The following HHAT variants were observed in gnomAD, a reference collection of about 807,000 sequenced individuals.
The protein encoded by HHAT is protein-cysteine N-palmitoyltransferase HHAT.
HHAT carries 47 observed loss-of-function variants against 70.8 expected under a neutral mutation model. The ratio of observed to expected loss-of-function variants is 0.66; its 90% CI spans 0.53 to 0.85. The LOEUF (loss-of-function observed/expected upper bound fraction) is 0.85, where lower values mean the gene tolerates loss of function less well. Among genes scored for constraint, HHAT ranks in the 40% least tolerant of loss-of-function variants. HHAT has a pLI of 0.00. For missense variants in HHAT, 609 were observed against 604.8 expected (o/e 1.01, Z -0.07); for synonymous variants, 228 against 247.6 (o/e 0.92, Z 0.74).
intron 9 of HHAT, among the ~76,000 whole-genome samples, chr1:210,574,297 G>A (rs1221402550): frequency 6.6e-6 from 1 of 152,240 alleles, no homozygotes; most frequent in Non-Finnish European, 1.5e-5. Context: ...GTGGCTGGGG[G>A]ATGGGATGGC....
intron 10 of HHAT, among the ~76,000 whole-genome samples, chr1:210,617,198 A>G (rs933626229): frequency 1.3e-5 from 2 of 152,256 alleles, no homozygotes; most frequent in African/African-American, 4.8e-5. Flanking sequence ...AGTCACAGAA[A>G]TATGGAAGCC....
chr1:210,611,953 T>G (rs1666669867), intron 10 of HHAT, among the ~76,000 whole-genome samples: 1 of 152,200 alleles, frequency 6.6e-6, no homozygotes, highest in South Asian at 2.1e-4. Context: ...TCAAGGATAT[T>G]GACCTGAAGT....
intron 11 of HHAT, among the ~76,000 whole-genome samples, chr1:210,652,647 G>T (rs1318848412): frequency 3.9e-5 from 6 of 152,212 alleles, no homozygotes. Flanking sequence ...GGCTGGTGCA[G>T]TATTAACTGC....
At chr1:210,371,502 C>T (rs1379211445) in intron 3 of HHAT, among the ~76,000 whole-genome samples, 3 of 152,200 alleles carry the variant, frequency 2.0e-5, no homozygotes, top group African/African-American at 7.2e-5. Flanking sequence ...AACCCACATT[C>T]TTTGGAGGGG....
Position 210,488,977 on chromosome 1 carries a change from C to T in HHAT, c.1008-24176C>T, listed in dbSNP as rs141780421. On this transcript the variant is annotated intron_variant, in intron 8 of 11. Transcript: ENST00000261458. ...GGAGGGAACTCATTCTCCGGTTTGGCTTAAGTGAGAAAGGAACTTTCCATA... is the reference window on the plus strand; with the variant it reads ...GGAGGGAACTCATTCTCCGGTTTGGTTTAAGTGAGAAAGGAACTTTCCATA... Among the ~76,000 whole-genome samples, 563 of 152,292 alleles carry T rather than the reference C, an allele frequency of 3.7e-3. 6 individuals are homozygous for T. The highest frequency in any genetic ancestry group is 0.013 in the African/African-American group (545 of 41,564).
At chr1:210,493,547 T>C (rs1048497336) in intron 8 of HHAT, among the ~76,000 whole-genome samples, 2 of 152,208 alleles carry the variant, frequency 1.3e-5, no homozygotes, top group African/African-American at 4.8e-5. Flanking sequence ...GCAACATTTA[T>C]ACTGGTGTTT....
chr1:210,350,981 C>T (rs890902764), intron 2 of HHAT, among the ~76,000 whole-genome samples: 1 of 152,082 alleles, frequency 6.6e-6, no homozygotes, highest in African/African-American at 2.4e-5. Flanking sequence ...AGTTAGGGTT[C>T]TCCAGGGAAA....
At chr1:210,366,743 C>G (rs1003084055) in intron 3 of HHAT, among the ~76,000 whole-genome samples, 7 of 152,222 alleles carry the variant, frequency 4.6e-5, no homozygotes, top group African/African-American at 7.2e-5. Context: ...TTTAAGGGCT[C>G]TTAAATGACC....
In HHAT at chr1:210,526,048, C is replaced by T. The variant is rs775336507; in HGVS notation, c.1043+12860C>T. 4.6e-5 allele frequency among the ~76,000 whole-genome samples: 7 copies of T among 152,248 alleles called. No homozygotes were observed. The South Asian group carries it at 8.3e-4, about 18-fold the overall frequency. On this transcript the variant is annotated intron_variant, in intron 9 of 11. Coordinates refer to ENST00000261458, the MANE Select transcript of HHAT (RefSeq NM_018194.6). ...CTTGCAGGAAGAGTCTCAGATCCCTCGTGCCTGAGATTAGATTCCAAAGAA... is the reference window on the plus strand; with the variant it reads ...CTTGCAGGAAGAGTCTCAGATCCCTTGTGCCTGAGATTAGATTCCAAAGAA...
intron 8 of HHAT, among the ~76,000 whole-genome samples, chr1:210,505,387 G>A (rs1374922190): frequency 6.6e-5 from 10 of 152,126 alleles, no homozygotes; most frequent in Non-Finnish European, 1.3e-4. Context: ...GGGACACTTT[G>A]AACAAAAAGC....
At chr1:210,441,394 A>G (rs564417025) in intron 7 of HHAT, among the ~76,000 whole-genome samples, 82 of 152,328 alleles carry the variant, frequency 5.4e-4, no homozygotes, top group African/African-American at 1.9e-3. Context: ...GCTGGTCTGA[A>G]TGTCAAGTGT....
At chr1:210,647,439 T>G (rs1448779037) in intron 11 of HHAT, among the ~76,000 whole-genome samples, 1 of 152,170 alleles carries the variant, frequency 6.6e-6, no homozygotes, top group Non-Finnish European at 1.5e-5. Flanking sequence ...GGGGACATTT[T>G]TCCTCCAGCC....
intron 10 of HHAT, among the ~76,000 whole-genome samples, chr1:210,593,949 A>T (rs1490031966): frequency 3.3e-5 from 5 of 152,032 alleles, no homozygotes; most frequent in African/African-American, 1.2e-4. Context: ...TATAGTTTTT[A>T]TCTTGAAATC....
intron 9 of HHAT, among the ~76,000 whole-genome samples, chr1:210,515,505 C>T (rs2095038470): frequency 6.6e-6 from 1 of 152,248 alleles, no homozygotes; most frequent in South Asian, 2.1e-4. Flanking sequence ...CGCCTGTAAT[C>T]CCAGCACTTT....
chr1:210,343,472 C>T (rs1205285243), intron 1 of HHAT, among the ~76,000 whole-genome samples: 1 of 152,154 alleles, frequency 6.6e-6, no homozygotes, highest in Non-Finnish European at 1.5e-5. Flanking sequence ...CAGTCAGCTA[C>T]AGGCAAGAGT....
chr1:210,360,846 C>CTTTTT (rs3036585), intron 2 of HHAT, among the ~76,000 whole-genome samples: 3,311 of 124,080 alleles, frequency 0.027, 179 homozygotes, highest in African/African-American at 0.091. Context: ...ATTAACTTCA[C>CTTTTT]TTTTTTTTTT....
intron 8 of HHAT, among the ~76,000 whole-genome samples, chr1:210,495,470 G>A (rs1311446173): frequency 1.3e-5 from 2 of 152,072 alleles, no homozygotes; most frequent in Non-Finnish European, 2.9e-5. Flanking sequence ...CATCGGGAAA[G>A]TAGAGATTTT....
chr1:210,399,710 C>A (rs2091970958), intron 4 of HHAT, among the ~76,000 whole-genome samples: 1 of 152,140 alleles, frequency 6.6e-6, no homozygotes, highest in Non-Finnish European at 1.5e-5. Flanking sequence ...AGGATTTCCC[C>A]ATCAGGTCTG....
At chr1:210,595,058 G>A (rs1662622344) in intron 10 of HHAT, among the ~76,000 whole-genome samples, 1 of 152,020 alleles carries the variant, frequency 6.6e-6, no homozygotes, top group Admixed American at 6.6e-5. Flanking sequence ...TTGGTGTGCT[G>A]CATGCATTAA....
Sources: gnomAD v4.1 joint callset for allele counts (sites outside exome capture counted in the v4.1 genomes callset) on GRCh38, gnomAD v4.1.1 for gene constraint, MANE v1.5 for transcripts, NCBI Gene and HGNC (gene_info 2026-07-23, HGNC 2026-07-21) for gene names.